The following NUP153 variants were observed in gnomAD, a reference collection of about 807,000 sequenced individuals.
The protein encoded by NUP153 is nuclear pore complex protein Nup153.
Under a neutral mutation model 134.6 loss-of-function variants are expected in NUP153, and 27 were observed. That is an observed-to-expected ratio of 0.20 (90% CI 0.15 to 0.28). The LOEUF (loss-of-function observed/expected upper bound fraction) is 0.28, where lower values mean the gene tolerates loss of function less well. Among genes scored for constraint, NUP153 ranks in the 10% least tolerant of loss-of-function variants. The pLI is 1.00. For synonymous variants in NUP153, 640 were observed against 623.5 expected, an observed-to-expected ratio of 1.03 and a Z score of -0.40; for missense variants, 1,821 against 1,731.3, an observed-to-expected ratio of 1.05 and a Z score of -0.92.
At chr6:17,641,696 A>C (rs1254281666) in intron 14 of NUP153, among the ~76,000 whole-genome samples, 2 of 152,130 alleles carry the variant, frequency 1.3e-5, no homozygotes, top group African/African-American at 2.4e-5. Context: ...TACTAAAAAT[A>C]CAAAACAAAT....
chr6:17,649,394 G>T, intron 11 of NUP153, 94 bp from the exon 12 acceptor site: 1 of 1,209,798 alleles, frequency 8.3e-7, no homozygotes, highest in Non-Finnish European at 1.2e-6. Context: ...GGAAGAAGAT[G>T]GTACCATGTA....
In NUP153 at chr6:17,628,689, A is replaced by C; in HGVS notation, c.3510T>G (p.Thr1170=). The change falls in exon 18 of 22, where the codon ACT becomes ACG. Residue 1170 remains threonine, a synonymous_variant. Coordinates refer to ENST00000262077, the MANE Select transcript of NUP153 (RefSeq NM_005124.4). This position sits in a 1 kb window ranked among gnomAD's most constrained non-coding sequence, Gnocchi z 5.4. ...EKESEQPAKA[T]FAFGAQTSTT... ...TACTAGTTTGAGCTCCAAAGGCAAA[A>C]GTGGCTTTTGCTGGCTGTTCAGATT... is the stretch of plus-strand genomic sequence containing the variant. 1 of 1,610,114 alleles carries C rather than the reference A, an allele frequency of 6.2e-7. No individual in the cohort carries two copies. Among genetic ancestry groups the C allele is most frequent in the Non-Finnish European group, 8.5e-7 (1 of 1,177,736 alleles).
chr6:17,682,925 GAAAAA>G (rs58196936), intron 2 of NUP153, among the ~76,000 whole-genome samples: 1 of 123,766 alleles, frequency 8.1e-6, no homozygotes, highest in Non-Finnish European at 1.6e-5. Flanking sequence ...CAAAAAAGAA[GAAAAA>G]AAAAAAAAAA....
Position 17,637,878 on chromosome 6 carries a change from C to T in NUP153, c.1847-108G>A. The stretch of plus-strand genomic sequence containing the variant: ...CGTTTACCTCACTGCACACTTACTA[C>T]AATCCAAGATGAACTACTTAAGAAT... On this transcript the variant is annotated intron_variant, in intron 15 of 21. Coordinates refer to ENST00000262077, the MANE Select transcript of NUP153 (RefSeq NM_005124.4). 3 of 1,205,914 alleles carry T rather than the reference C, an allele frequency of 2.5e-6. No homozygotes were observed. In the South Asian group the frequency reaches 4.8e-5, roughly 19 times the overall value. The allele number at this position is 1,205,914 out of a possible 1,614,324, so 74.7% of individuals were successfully genotyped here. A position where few individuals can be genotyped will look rare whatever the true frequency, so the allele number is the denominator to read the frequency against.
At chr6:17,627,613 A>C (rs1447707497) in intron 18 of NUP153, among the ~76,000 whole-genome samples, 1 of 152,132 alleles carries the variant, frequency 6.6e-6, no homozygotes, top group African/African-American at 2.4e-5. Flanking sequence ...CTTGTGCTTC[A>C]GCCTCCCGAC....
intron 12 of NUP153, among the ~76,000 whole-genome samples, chr6:17,648,603 C>T (rs79996658): frequency 4.0e-5 from 6 of 151,562 alleles, no homozygotes; most frequent in African/African-American, 9.7e-5. Context: ...GGTGACAGGG[C>T]GAGACTCAAG....
chr6:17,689,622 C>T (rs909309751), intron 1 of NUP153, among the ~76,000 whole-genome samples: 2 of 151,454 alleles, frequency 1.3e-5, no homozygotes, highest in Admixed American at 6.6e-5. Flanking sequence ...CCACAACCTC[C>T]GCCTCCTGGG....
At chr6:17,668,394 T>G in intron 8 of NUP153, among the ~76,000 whole-genome samples, 1 of 151,986 alleles carries the variant, frequency 6.6e-6, no homozygotes. Context: ...ACTCCTATTT[T>G]TATTTATCAA....
In NUP153 at chr6:17,674,894, T is replaced by C; in HGVS notation, c.852+11A>G. 1.3e-6 allele frequency: 2 copies of C among 1,560,084 alleles called. No individual in the cohort carries two copies. The highest frequency in any genetic ancestry group is 1.7e-6 in the Non-Finnish European group (2 of 1,156,874). On this transcript the variant is annotated intron_variant, in intron 5 of 21. Coordinates refer to ENST00000262077, the MANE Select transcript of NUP153 (RefSeq NM_005124.4). ...AAAAAAAAGATCATCAACCCTTCTATTGGAACCTACCTGATAAGGTGTATT... is the reference window on the plus strand; with the variant it reads ...AAAAAAAAGATCATCAACCCTTCTACTGGAACCTACCTGATAAGGTGTATT...
At chr6:17,644,759 C>A (rs988863872) in intron 14 of NUP153, among the ~76,000 whole-genome samples, 5 of 152,048 alleles carry the variant, frequency 3.3e-5, no homozygotes, top group Non-Finnish European at 5.9e-5. Flanking sequence ...CCTGGCCAAA[C>A]GTGGTGAAAC....
At chr6:17,703,963 C>T (rs903590387) in intron 1 of NUP153, among the ~76,000 whole-genome samples, 13 of 152,124 alleles carry the variant, frequency 8.5e-5, no homozygotes, top group Admixed American at 1.3e-4. Context: ...ATCATCTCCC[C>T]AAAATTAGAT....
chr6:17,704,886 A>AGT (rs1770377160), intron 1 of NUP153, among the ~76,000 whole-genome samples: 1 of 152,034 alleles, frequency 6.6e-6, no homozygotes, highest in Admixed American at 6.6e-5. Context: ...CAGCCTCCCA[A>AGT]GTAGCTGGGA....
At chr6:17,701,695 G>C (rs1019814593) in intron 1 of NUP153, among the ~76,000 whole-genome samples, 1 of 151,412 alleles carries the variant, frequency 6.6e-6, no homozygotes, top group African/African-American at 2.4e-5. Context: ...TTAGCTAGGC[G>C]TGGTGGCCTG....
At position 17,675,569 on chromosome 6, in the gene NUP153, T is replaced by C. The variant is rs771353076; in HGVS notation, c.536A>G (p.Asp179Gly). 1 of 1,613,582 alleles carries C rather than the reference T, an allele frequency of 6.2e-7. No individual in the cohort carries two copies. ...AAAACCACTGGTAGTTGAGATGTTATCATCATCATGCTGAGAGGTAGAATC... is the reference window on the plus strand; with the variant it reads ...AAAACCACTGGTAGTTGAGATGTTACCATCATCATGCTGAGAGGTAGAATC... Reference protein sequence around the residue: ...IKDSTSQHDDDNISTTSGFSS... With the variant: ...IKDSTSQHDDGNISTTSGFSS... Residue 179 changes from aspartate (D) to glycine (G), a missense_variant, in exon 3 of 22, where the codon GAT becomes GGT. Physicochemically the swap from Asp to Gly is moderately conservative, Grantham distance 94. Transcript: ENST00000262077. The surrounding 1 kb of genome is among the most constrained non-coding windows in gnomAD (Gnocchi z 4.4).
intron 20 of NUP153, among the ~76,000 whole-genome samples, chr6:17,618,189 T>C (rs1469840203): frequency 2.0e-5 from 3 of 152,026 alleles, no homozygotes; most frequent in African/African-American, 7.3e-5. Flanking sequence ...CCAAGTAAAA[T>C]AATGCTAGAT....
intron 1 of NUP153, among the ~76,000 whole-genome samples, chr6:17,691,689 TG>T (rs1293055638): frequency 1.3e-5 from 2 of 152,068 alleles, no homozygotes; most frequent in Admixed American, 6.6e-5. Context: ...CGCTTGAACG[TG>T]GGAGGCAGAC....
intron 16 of NUP153, among the ~76,000 whole-genome samples, chr6:17,633,973 T>C (rs1004907053): frequency 6.6e-6 from 1 of 152,230 alleles, no homozygotes; most frequent in Non-Finnish European, 1.5e-5. Flanking sequence ...TCTGAGCTTG[T>C]CACTGTAGTC....
intron 1 of NUP153, among the ~76,000 whole-genome samples, chr6:17,696,107 G>A (rs1263068125): frequency 2.0e-5 from 3 of 151,908 alleles, no homozygotes. Flanking sequence ...CAGCCTGGGT[G>A]ACAAGAGTGA....
intron 1 of NUP153, among the ~76,000 whole-genome samples, chr6:17,694,013 C>CT (rs1331596501): frequency 6.6e-6 from 1 of 152,156 alleles, no homozygotes; most frequent in South Asian, 2.1e-4. Flanking sequence ...TTTATTAAAA[C>CT]TTTTTTTCTA....
Sources: gnomAD v4.1 joint callset for allele counts (sites outside exome capture counted in the v4.1 genomes callset) on GRCh38, gnomAD v4.1.1 for gene constraint, Gnocchi (gnomAD v3.1) non-coding constraint, MANE v1.5 for transcripts, NCBI Gene and HGNC (gene_info 2026-07-23, HGNC 2026-07-21) for gene names.